Variants in NMNAT2 observed in about 807,000 individuals in gnomAD.
The protein encoded by NMNAT2 is nicotinamide/nicotinic acid mononucleotide adenylyltransferase 2.
NMNAT2 carries 11 observed loss-of-function variants against 41.6 expected under a neutral mutation model. The ratio of observed to expected loss-of-function variants is 0.26; its 90% CI spans 0.17 to 0.44. The LOEUF (loss-of-function observed/expected upper bound fraction) is 0.44. NMNAT2 is among the 20% of genes least tolerant of loss of function. The pLI is 1.00. For synonymous variants in NMNAT2, 148 were observed against 151.2 expected (o/e 0.98, Z 0.16); for missense variants, 288 against 407.7 (o/e 0.71, Z 2.53).
intron 1 of NMNAT2, among the ~76,000 whole-genome samples, chr1:183,326,996 C>T (rs941271251): frequency 3.3e-5 from 5 of 151,960 alleles, no homozygotes; most frequent in Non-Finnish European, 7.4e-5. Context: ...ATCCCCATTA[C>T]CCTTTCTCAG....
At chr1:183,284,116 T>G in intron 6 of NMNAT2, 77 bp from the exon 7 acceptor site, 1 of 1,066,806 alleles carries the variant, frequency 9.4e-7, no homozygotes, top group South Asian at 1.4e-5. Context: ...CCTGAGGGCC[T>G]CAGCAGGAAT....
At chr1:183,360,533 C>A (rs974745559) in intron 1 of NMNAT2, among the ~76,000 whole-genome samples, 2 of 152,158 alleles carry the variant, frequency 1.3e-5, no homozygotes, top group Non-Finnish European at 1.5e-5. Flanking sequence ...ACTTGGAGGC[C>A]CCTATAAACA....
At chr1:183,344,325 C>T (rs1438846373) in intron 1 of NMNAT2, among the ~76,000 whole-genome samples, 1 of 152,140 alleles carries the variant, frequency 6.6e-6, no homozygotes, top group Admixed American at 6.6e-5. Flanking sequence ...TACAGTATAA[C>T]AGGGATTCGA....
chr1:183,258,858 C>T (rs927919278), intron 10 of NMNAT2, among the ~76,000 whole-genome samples: 4 of 152,278 alleles, frequency 2.6e-5, no homozygotes, highest in Admixed American at 6.5e-5. Context: ...CTGACCAATC[C>T]GCACTCCTGG....
chr1:183,326,240 G>C (rs563481599), intron 1 of NMNAT2, among the ~76,000 whole-genome samples: 14 of 152,022 alleles, frequency 9.2e-5, no homozygotes, highest in Non-Finnish European at 1.8e-4. Context: ...GCTGGGTATG[G>C]TGGTGCACAC....
At chr1:183,320,733 G>A (rs1433295944) in intron 1 of NMNAT2, among the ~76,000 whole-genome samples, 1 of 152,222 alleles carries the variant, frequency 6.6e-6, no homozygotes, top group African/African-American at 2.4e-5. Context: ...ATTCACAGAA[G>A]TTGATCTAAA....
At chr1:183,274,932 C>T (rs1439527601) in intron 8 of NMNAT2, among the ~76,000 whole-genome samples, 2 of 152,150 alleles carry the variant, frequency 1.3e-5, no homozygotes, top group Non-Finnish European at 1.5e-5. Context: ...GAGCCCACTC[C>T]TCCTCTCTCC....
chr1:183,291,716 C>G (rs946172), intron 3 of NMNAT2, among the ~76,000 whole-genome samples: 72,008 of 151,942 alleles, frequency 0.47, 17,343 homozygotes, highest in Middle Eastern at 0.59. Context: ...AAGATCAGGA[C>G]TTACAATGTT....
intron 7 of NMNAT2, among the ~76,000 whole-genome samples, chr1:183,282,098 A>G (rs1661285887): frequency 6.6e-6 from 1 of 152,192 alleles, no homozygotes; most frequent in South Asian, 2.1e-4. Flanking sequence ...GCCCAATCTG[A>G]CAGCTGTGGC....
At chr1:183,284,156 A>T in intron 6 of NMNAT2, 117 bp from the exon 7 acceptor site, 1 of 865,858 alleles carries the variant, frequency 1.2e-6, no homozygotes, top group South Asian at 1.6e-5. Context: ...GGGTGCAAGT[A>T]GGGGTGTGGT....
chr1:183,389,766 A>C lies in NMNAT2; in HGVS notation c.85+28417T>G, dbSNP rs920770239. ...AAAGAAAGAAAGAAAGAAAGAAAGA[A>C]AGAAAGAAAGAAAGAAAGAAAGAAA... is the stretch of plus-strand genomic sequence containing the variant. On this transcript the variant is annotated intron_variant, in intron 1 of 10. Coordinates refer to ENST00000287713, the MANE Select transcript of NMNAT2 (RefSeq NM_015039.4). Among the ~76,000 whole-genome samples, 12 of 37,156 alleles carry C rather than the reference A, an allele frequency of 3.2e-4. 1 individual carries two copies. The highest frequency in any genetic ancestry group is 1.0e-3 in the African/African-American group (12 of 11,620). 24.4% of individuals were successfully genotyped at this position (37,156 alleles called of 152,430 possible). A position where few individuals can be genotyped will look rare whatever the true frequency, so the allele number is the denominator to read the frequency against.
intron 1 of NMNAT2, among the ~76,000 whole-genome samples, chr1:183,339,643 T>A (rs1193625954): frequency 6.6e-6 from 1 of 152,066 alleles, no homozygotes; most frequent in Non-Finnish European, 1.5e-5. Flanking sequence ...ATCACAAGGG[T>A]CAATATTAAT....
At chr1:183,258,713 A>G (rs2102278369) in intron 10 of NMNAT2, among the ~76,000 whole-genome samples, 2 of 152,122 alleles carry the variant, frequency 1.3e-5, no homozygotes, top group East Asian at 1.9e-4. Flanking sequence ...TGTTTGCAAT[A>G]TTTTGTAGAC....
chr1:183,395,191 C>T (rs1261843870), intron 1 of NMNAT2, among the ~76,000 whole-genome samples: 1 of 152,134 alleles, frequency 6.6e-6, no homozygotes, highest in Non-Finnish European at 1.5e-5. Context: ...TATAACCTTA[C>T]ATATATATGC....
chr1:183,258,869 C>T (rs536673856), intron 10 of NMNAT2, among the ~76,000 whole-genome samples: 31 of 152,324 alleles, frequency 2.0e-4, no homozygotes, highest in African/African-American at 7.2e-4. Flanking sequence ...GCACTCCTGG[C>T]TCACTGGCTT....
chr1:183,401,573 C>A (rs1364384568), intron 1 of NMNAT2, among the ~76,000 whole-genome samples: 3 of 151,968 alleles, frequency 2.0e-5, no homozygotes, highest in South Asian at 2.1e-4. Context: ...GGGTGTATAC[C>A]CAAAGGAATA....
intron 1 of NMNAT2, among the ~76,000 whole-genome samples, chr1:183,341,404 A>G (rs1557883473): frequency 2.0e-5 from 3 of 151,416 alleles, no homozygotes; most frequent in African/African-American, 2.4e-5. Context: ...AAGGCCAAGC[A>G]TGGTGACTCA....
At chr1:183,293,460 C>G (rs1661596175) in intron 2 of NMNAT2, among the ~76,000 whole-genome samples, 1 of 152,252 alleles carries the variant, frequency 6.6e-6, no homozygotes, top group Non-Finnish European at 1.5e-5. Flanking sequence ...TGAGTCCTGA[C>G]CAGCCCGTAA....
At chr1:183,379,912 A>G (rs1273698984) in intron 1 of NMNAT2, among the ~76,000 whole-genome samples, 2 of 152,260 alleles carry the variant, frequency 1.3e-5, no homozygotes, top group Non-Finnish European at 2.9e-5. Flanking sequence ...TTTCTAATCC[A>G]ATGAAATTAT....
Sources: gnomAD v4.1 joint callset for allele counts (sites outside exome capture counted in the v4.1 genomes callset) on GRCh38, gnomAD v4.1.1 for gene constraint, MANE v1.5 for transcripts, NCBI Gene and HGNC (gene_info 2026-07-23, HGNC 2026-07-21) for gene names.